Variants in PRKD1 observed in about 807,000 individuals in gnomAD.
The protein encoded by PRKD1 is serine/threonine-protein kinase D1.
In PRKD1, 63 loss-of-function variants were observed where a neutral mutation model predicts 95.9. The observed-to-expected ratio is 0.66, with a 90% CI of 0.54 to 0.81. PRKD1 has a LOEUF of 0.81. Ranked by LOEUF, PRKD1 falls within the 30% of genes least tolerant of loss-of-function variation. PRKD1 has a pLI of 0.00. For synonymous variants in PRKD1, 425 were observed against 423.1 expected, an observed-to-expected ratio of 1.00 and a Z score of -0.05; for missense variants, 1,048 against 1,165.3, an observed-to-expected ratio of 0.90 and a Z score of 1.47.
At chr14:29,604,622 G>A (rs1336691015) in intron 13 of PRKD1, among the ~76,000 whole-genome samples, 1 of 152,120 alleles carries the variant, frequency 6.6e-6, no homozygotes, top group African/African-American at 2.4e-5. Flanking sequence ...CCAGGGTCAA[G>A]AGAAGAGCAC....
intron 1 of PRKD1, among the ~76,000 whole-genome samples, chr14:29,851,728 C>G (rs1386392836): frequency 6.6e-6 from 1 of 152,114 alleles, no homozygotes; most frequent in Non-Finnish European, 1.5e-5. Flanking sequence ...AATATCATTA[C>G]TGGATCTGTA....
At chr14:29,806,928 G>T (rs544066407) in intron 1 of PRKD1, among the ~76,000 whole-genome samples, 2 of 151,956 alleles carry the variant, frequency 1.3e-5, no homozygotes, top group South Asian at 2.1e-4. Context: ...TCGCAATATG[G>T]CAAGTCACAC....
chr14:29,712,243 T>C (rs944510019), intron 2 of PRKD1, among the ~76,000 whole-genome samples: 2 of 152,124 alleles, frequency 1.3e-5, no homozygotes, highest in Non-Finnish European at 2.9e-5. Context: ...AAATTCTTTT[T>C]TTTCTCTCTT....
At chr14:29,842,370 A>G (rs1052394375) in intron 1 of PRKD1, among the ~76,000 whole-genome samples, 3 of 152,278 alleles carry the variant, frequency 2.0e-5, no homozygotes, top group African/African-American at 7.2e-5. Context: ...TGTTGACACC[A>G]GCATCACCTC....
At chr14:29,597,157 A>C (rs2139006005) in intron 16 of PRKD1, among the ~76,000 whole-genome samples, 1 of 152,320 alleles carries the variant, frequency 6.6e-6, no homozygotes, top group South Asian at 2.1e-4. Context: ...TAATAGTTTA[A>C]AAGTTTTTAA....
intron 2 of PRKD1, among the ~76,000 whole-genome samples, chr14:29,722,257 A>G (rs1885935883): frequency 6.6e-6 from 1 of 152,220 alleles, no homozygotes; most frequent in Admixed American, 6.5e-5. Context: ...GTAAAACTAC[A>G]GGCTTCAGAA....
rs533817262 is a variant in PRKD1 at position 29,749,154 on chromosome 14, G to A, written c.265-23480C>T. ...TAACCCCTCTGTAATTAAGGAGAGG[G>A]AATAAGCTTTTGCACAACAGGACTT... On this transcript the variant is annotated intron_variant, in intron 1 of 17. Transcript: ENST00000331968. Among the ~76,000 whole-genome samples, 150 of 152,214 alleles carry A rather than the reference G, an allele frequency of 9.9e-4. 8 individuals are homozygous for A. In the South Asian group the frequency reaches 0.03, roughly 30 times the overall value.
At chr14:29,787,160 T>C (rs1285006701) in intron 1 of PRKD1, among the ~76,000 whole-genome samples, 2 of 151,928 alleles carry the variant, frequency 1.3e-5, no homozygotes, top group East Asian at 1.9e-4. Context: ...TTGGTATTGA[T>C]TTCTAGTTGT....
chr14:29,761,953 G>A (rs930438498), intron 1 of PRKD1, among the ~76,000 whole-genome samples: 14 of 151,668 alleles, frequency 9.2e-5, no homozygotes, highest in African/African-American at 2.7e-4. Context: ...TTTATTTTTC[G>A]TAGAGATGGG....
intron 1 of PRKD1, among the ~76,000 whole-genome samples, chr14:29,804,796 G>C (rs958668332): frequency 6.6e-6 from 1 of 152,112 alleles, no homozygotes; most frequent in African/African-American, 2.4e-5. Context: ...TCAGATCAAT[G>C]AGGTGTTTTT....
At chr14:29,879,223 A>G (rs1048862957) in intron 1 of PRKD1, among the ~76,000 whole-genome samples, 1 of 152,162 alleles carries the variant, frequency 6.6e-6, no homozygotes, top group Admixed American at 6.5e-5. Flanking sequence ...TGGTTTGACT[A>G]TGTCCCCACC....
At position 29,638,844 on chromosome 14, in the gene PRKD1, T is replaced by C. The variant is rs1880561634; in HGVS notation, c.757A>G (p.Ile253Val). 1 of 1,614,040 alleles carries C rather than the reference T, an allele frequency of 6.2e-7. No individual in the cohort carries two copies. The highest frequency in any genetic ancestry group is 1.7e-5 in the Admixed American group (1 of 60,000). Residue 253 changes from isoleucine to valine, a missense_variant, in exon 5 of 18, where the codon ATT (isoleucine) becomes GTT (valine). Transcript: ENST00000331968. Reference sequence around the variant, plus strand: ...TTGTCAAGGTGAATTGGTCGTCCAATGTATGATTGAGAATTTGACCTCTTC... The same window carrying C: ...TTGTCAAGGTGAATTGGTCGTCCAACGTATGATTGAGAATTTGACCTCTTC... ...REKRSNSQSY[I>V]GRPIHLDKIL...
intron 1 of PRKD1, among the ~76,000 whole-genome samples, chr14:29,902,468 G>T (rs1439283472): frequency 1.3e-5 from 2 of 152,154 alleles, no homozygotes; most frequent in East Asian, 3.9e-4. Context: ...TTGTGTAGCT[G>T]ATGTTATAAT....
Position 29,577,191 on chromosome 14 carries a change from G to A in PRKD1, c.*47C>T. 1.5e-5 allele frequency: 23 copies of A among 1,550,104 alleles called. No homozygotes were observed. The highest frequency in any genetic ancestry group is 2.0e-5 in the Non-Finnish European group (23 of 1,124,180). On this transcript the variant is annotated 3_prime_UTR_variant, in exon 18 of 18. Coordinates refer to ENST00000331968, the MANE Select transcript of PRKD1 (RefSeq NM_002742.3). ...AGGCAAATGTTAAACCTGACCGTAT[G>A]TATTTATTAGTTCCACAGTGTTTTG...
At chr14:29,658,702 T>C (rs1028621464) in intron 4 of PRKD1, among the ~76,000 whole-genome samples, 1 of 152,324 alleles carries the variant, frequency 6.6e-6, no homozygotes. Context: ...AGGAAGATCA[T>C]ATAATTACAG....
intron 1 of PRKD1, among the ~76,000 whole-genome samples, chr14:29,837,900 G>T: frequency 6.6e-6 from 1 of 152,136 alleles, no homozygotes; most frequent in East Asian, 1.9e-4. Context: ...TTAATTTGGG[G>T]TATGGTAAAT....
chr14:29,872,755 A>T (rs940922623), intron 1 of PRKD1, among the ~76,000 whole-genome samples: 3 of 152,200 alleles, frequency 2.0e-5, no homozygotes, highest in African/African-American at 7.2e-5. Flanking sequence ...CTGTGGAACA[A>T]ATCAATCTAC....
chr14:29,812,929 G>A lies in PRKD1; in HGVS notation c.265-87255C>T, dbSNP rs117179682. 6.2e-3 allele frequency among the ~76,000 whole-genome samples: 941 copies of A among 152,200 alleles called. 17 individuals are homozygous for A. The highest frequency in any genetic ancestry group is 0.033 in the East Asian group (171 of 5,166). The stretch of plus-strand genomic sequence containing the variant: ...TTCTTGACCAGCCGGCCTACATGGC[G>A]AAACCCTAGTCTCTACTAAAAATAC... On this transcript the variant is annotated intron_variant, in intron 1 of 17. Transcript: ENST00000331968.
intron 1 of PRKD1, among the ~76,000 whole-genome samples, chr14:29,830,695 T>C (rs945563267): frequency 6.6e-5 from 10 of 151,724 alleles, no homozygotes; most frequent in African/African-American, 2.4e-4. Flanking sequence ...TTTGGTCTCA[T>C]GTGTTGGTTT....
Sources: allele counts gnomAD v4.1 joint callset (sites outside exome capture counted in the v4.1 genomes callset), GRCh38; gene constraint gnomAD v4.1.1; transcripts MANE v1.5; gene names NCBI Gene and HGNC (gene_info 2026-07-23, HGNC 2026-07-21).